Variants in GRIN3A observed in about 807,000 individuals in gnomAD.
GRIN3A encodes glutamate receptor ionotropic, NMDA 3A.
Under a neutral mutation model 92.4 loss-of-function variants are expected in GRIN3A, and 47 were observed. The ratio of observed to expected loss-of-function variants is 0.51; its 90% confidence interval spans 0.40 to 0.65. The LOEUF (loss-of-function observed/expected upper bound fraction) is 0.65, where lower values mean the gene tolerates loss of function less well. Among genes scored for constraint, GRIN3A ranks in the 30% least tolerant of loss-of-function variants. The pLI is 0.00. For missense variants in GRIN3A, 1,324 were observed against 1,393.1 expected, an observed-to-expected ratio of 0.95 and a Z score of 0.79; for synonymous variants, 527 against 540.6, an observed-to-expected ratio of 0.97 and a Z score of 0.35.
At chr9:101,629,154 A>G (rs1828679559) in intron 3 of GRIN3A, among the ~76,000 whole-genome samples, 1 of 152,146 alleles carries the variant, frequency 6.6e-6, no homozygotes, top group South Asian at 2.1e-4. Context: ...TTTGTAAAGT[A>G]TGTTTCATAA....
intron 6 of GRIN3A, chr9:101,594,583 G>A: frequency 1.2e-6 from 2 of 1,614,182 alleles, no homozygotes; most frequent in Non-Finnish European, 1.7e-6. Flanking sequence ...TCAGCACCTG[G>A]AAGAGCTCCC....
At chr9:101,730,958 A>G (rs778262967) in intron 1 of GRIN3A, among the ~76,000 whole-genome samples, 2 of 152,132 alleles carry the variant, frequency 1.3e-5, no homozygotes, top group Non-Finnish European at 2.9e-5. Context: ...TTTTATAAAC[A>G]AAGTTCTAGA....
intron 3 of GRIN3A, among the ~76,000 whole-genome samples, chr9:101,637,708 G>T (rs1317968065): frequency 6.6e-6 from 1 of 152,146 alleles, no homozygotes; most frequent in Non-Finnish European, 1.5e-5. Context: ...AGAAACTGAG[G>T]CTTGAATTTA....
At chr9:101,630,298 C>T (rs1683880681) in intron 3 of GRIN3A, among the ~76,000 whole-genome samples, 1 of 152,130 alleles carries the variant, frequency 6.6e-6, no homozygotes, top group Non-Finnish European at 1.5e-5. Context: ...TCTTGTCTAG[C>T]TTCACCCTCC....
In GRIN3A at chr9:101,573,043, G is replaced by C. The variant is rs1258513742; in HGVS notation, c.*131C>G. 1 of 782,066 alleles carries C rather than the reference G, an allele frequency of 1.3e-6. No homozygotes were observed. The highest frequency in any genetic ancestry group is 1.7e-5 in the African/African-American group (1 of 59,212). 48.4% of individuals were successfully genotyped at this position (782,066 alleles called of 1,614,324 possible). On this transcript the variant is annotated 3_prime_UTR_variant, in exon 9 of 9. Transcript: ENST00000361820. ...GCTGCACTTTAGGCGAGGGAGAGCAGACTTGACCTTTAAGAAGACCTAGAC... is the reference window on the plus strand; with the variant it reads ...GCTGCACTTTAGGCGAGGGAGAGCACACTTGACCTTTAAGAAGACCTAGAC...
chr9:101,695,134 C>CATACAGAAACAGAATGTCATACAGTCATA (rs1829669266), intron 1 of GRIN3A, among the ~76,000 whole-genome samples: 1 of 151,836 alleles, frequency 6.6e-6, no homozygotes, highest in East Asian at 1.9e-4. Flanking sequence ...ACAGTCATAC[C>CATACAGAAACAGAATGTCATACAGTCATA]CAGAAAGTGT....
At chr9:101,698,441 C>T (rs556569130) in intron 1 of GRIN3A, among the ~76,000 whole-genome samples, 27 of 152,238 alleles carry the variant, frequency 1.8e-4, no homozygotes, top group Non-Finnish European at 3.4e-4. Flanking sequence ...CGTCACTTAA[C>T]GATGAGGGTA....
At chr9:101,647,626 G>A (rs1382229107) in intron 3 of GRIN3A, among the ~76,000 whole-genome samples, 1 of 151,804 alleles carries the variant, frequency 6.6e-6, no homozygotes, top group Non-Finnish European at 1.5e-5. Flanking sequence ...TCAGCTCCTG[G>A]GCTTTTCTTT....
At chr9:101,682,980 TCAAAAA>T (rs1829480576) in intron 2 of GRIN3A, among the ~76,000 whole-genome samples, 2 of 152,198 alleles carry the variant, frequency 1.3e-5, no homozygotes, top group South Asian at 4.1e-4. Flanking sequence ...AGACTCCGTC[TCAAAAA>T]CAAAAACAAA....
chr9:101,575,014 T>C (rs762600910), intron 8 of GRIN3A, among the ~76,000 whole-genome samples: 1 of 152,220 alleles, frequency 6.6e-6, no homozygotes, highest in Non-Finnish European at 1.5e-5. Context: ...CTGGCTCAGA[T>C]CAGCAAACTG....
chr9:101,663,658 C>T (rs1829204257), intron 3 of GRIN3A, among the ~76,000 whole-genome samples: 1 of 151,266 alleles, frequency 6.6e-6, no homozygotes, highest in South Asian at 2.1e-4. Context: ...GGAAATGCTT[C>T]TCATTTCCTA....
chr9:101,673,433 T>A (rs527949586), intron 2 of GRIN3A, among the ~76,000 whole-genome samples: 17 of 152,272 alleles, frequency 1.1e-4, no homozygotes, highest in African/African-American at 2.4e-4. Flanking sequence ...GAAAATCCAA[T>A]GCTTGTTTCA....
intron 6 of GRIN3A, among the ~76,000 whole-genome samples, chr9:101,612,987 AT>A (rs1279176897): frequency 1.3e-5 from 2 of 152,232 alleles, no homozygotes; most frequent in African/African-American, 4.8e-5. Flanking sequence ...CAATGTTTTG[AT>A]TAGATTTTGC....
chr9:101,723,552 C>G (rs945766461), intron 1 of GRIN3A, among the ~76,000 whole-genome samples: 1 of 152,124 alleles, frequency 6.6e-6, no homozygotes, highest in Non-Finnish European at 1.5e-5. Flanking sequence ...ACTGCTGGCT[C>G]GGGCAGCCTG....
rs547491656 is a variant in GRIN3A, at chr9:101,695,002, G to A, written c.700-7802C>T. ...ATCTTCATTTGAATTATTGTTCTTC[G>A]ATTTACCAATTATATATGTGAGACC... is the stretch of plus-strand genomic sequence containing the variant. On this transcript the variant is annotated intron_variant, in intron 1 of 8. Coordinates refer to ENST00000361820, the MANE Select transcript of GRIN3A (RefSeq NM_133445.3). Among the ~76,000 whole-genome samples the A allele has an allele frequency of 2.6e-5, 4 of 152,228 alleles. No homozygotes were observed. The South Asian group carries it at 6.2e-4, about 24-fold the overall frequency.
chr9:101,727,316 T>A lies in GRIN3A; in HGVS notation c.699+9965A>T, dbSNP rs7858945. Among the ~76,000 whole-genome samples, 101 of 152,336 alleles carry A rather than the reference T, an allele frequency of 6.6e-4. 2 individuals are homozygous for A. The highest frequency in any genetic ancestry group is 2.3e-3 in the African/African-American group (96 of 41,576). On this transcript the variant is annotated intron_variant, in intron 1 of 8. Transcript: ENST00000361820. ...ATAAAGTAGGATGGCCCCAATTTTA[T>A]AACACACATATATGAGTAGATCTTT... is the stretch of plus-strand genomic sequence containing the variant.
intron 1 of GRIN3A, among the ~76,000 whole-genome samples, chr9:101,725,979 G>T (rs1036260405): frequency 6.6e-6 from 1 of 151,956 alleles, no homozygotes; most frequent in African/African-American, 2.4e-5. Flanking sequence ...AATATATTAC[G>T]TATTTATTTG....
At chr9:101,616,975 C>T (rs1235884235) in intron 5 of GRIN3A, among the ~76,000 whole-genome samples, 1 of 150,600 alleles carries the variant, frequency 6.6e-6, no homozygotes, top group Non-Finnish European at 1.5e-5. Context: ...CCAAGGTGGC[C>T]GGATCACGAG....
chr9:101,587,678 C>T (rs978383219), intron 6 of GRIN3A, among the ~76,000 whole-genome samples: 4 of 152,156 alleles, frequency 2.6e-5, no homozygotes, highest in African/African-American at 9.7e-5. Flanking sequence ...TTTTCAGTGA[C>T]CTAATGCACT....
Sources: gnomAD v4.1 joint callset for allele counts (sites outside exome capture counted in the v4.1 genomes callset) on GRCh38, gnomAD v4.1.1 for gene constraint, MANE v1.5 for transcripts, NCBI Gene and HGNC (gene_info 2026-07-23, HGNC 2026-07-21) for gene names.